The following ANGPT1 variants were observed in gnomAD, a reference collection of about 807,000 sequenced individuals.
ANGPT1 encodes the protein angiopoietin-1.
In ANGPT1, 17 loss-of-function variants were observed where a neutral mutation model predicts 62.2. The observed-to-expected ratio is 0.27, with a 90% CI of 0.19 to 0.41. The LOEUF (loss-of-function observed/expected upper bound fraction) is 0.41. ANGPT1 is among the 10% of genes least tolerant of loss of function. The pLI is 1.00. For missense variants in ANGPT1, 478 were observed against 594.9 expected (o/e 0.80, Z 2.04); for synonymous variants, 199 against 198.9 (o/e 1.00, Z 0.00).
intron 1 of ANGPT1, among the ~76,000 whole-genome samples, chr8:107,416,071 TC>T (rs1810733516): frequency 6.6e-6 from 1 of 152,096 alleles, no homozygotes; most frequent in African/African-American, 2.4e-5. Context: ...GAAAACATTT[TC>T]CCCCATATAC....
At chr8:107,299,971 AGTTATATCTAG>A in intron 5 of ANGPT1, among the ~76,000 whole-genome samples, 1 of 134,680 alleles carries the variant, frequency 7.4e-6, no homozygotes, top group East Asian at 2.1e-4. Context: ...ACTATATACT[AGTTATATCTAG>A]ATATCTAGAT....
intron 7 of ANGPT1, among the ~76,000 whole-genome samples, chr8:107,268,597 T>C (rs1813669431): frequency 6.6e-6 from 1 of 152,148 alleles, no homozygotes; most frequent in South Asian, 2.1e-4. Context: ...ATTCCTTACA[T>C]TTTATTGAAC....
intron 1 of ANGPT1, among the ~76,000 whole-genome samples, chr8:107,421,219 T>C (rs1810887255): frequency 6.6e-6 from 1 of 152,194 alleles, no homozygotes; most frequent in South Asian, 2.1e-4. Context: ...TGTATAACCT[T>C]CATTTTTCCA....
intron 2 of ANGPT1, 108 bp from the exon 3 acceptor site, chr8:107,336,379 T>G (rs556388808): frequency 1.7e-5 from 24 of 1,430,402 alleles, no homozygotes; most frequent in Admixed American, 2.9e-5. Flanking sequence ...TAACAAATGG[T>G]TTACCGCCGG....
chr8:107,295,835 T>C (rs950135469), intron 5 of ANGPT1, among the ~76,000 whole-genome samples: 2 of 152,166 alleles, frequency 1.3e-5, no homozygotes, highest in Admixed American at 6.6e-5. Context: ...GGAATTGCTA[T>C]TAACAATGAC....
At chr8:107,399,175 G>A (rs1179625534) in intron 1 of ANGPT1, among the ~76,000 whole-genome samples, 4 of 152,112 alleles carry the variant, frequency 2.6e-5, no homozygotes, top group Non-Finnish European at 5.9e-5. Flanking sequence ...TAGGCCTGAA[G>A]TCCTCACTTC....
chr8:107,271,904 TAAAA>T lies in ANGPT1; in HGVS notation c.1206-7557_1206-7554del, dbSNP rs35257524. Among the ~76,000 whole-genome samples the T allele has an allele frequency of 5.1e-3, 711 of 138,230 alleles. 5 individuals are homozygous for T. The highest frequency in any genetic ancestry group is 0.018 in the African/African-American group (670 of 37,960). 90.7% of individuals were successfully genotyped at this position (138,230 alleles called of 152,430 possible). On this transcript the variant is annotated intron_variant, in intron 7 of 8. Transcript: ENST00000517746. ...TTTCTTTACTCATAATTGATACTGG[TAAAA>T]AAAAAAAAAAAAAAAATTCCTGGAA... is the stretch of plus-strand genomic sequence containing the variant.
At chr8:107,462,458 A>G (rs1024347687) in intron 1 of ANGPT1, among the ~76,000 whole-genome samples, 5 of 151,918 alleles carry the variant, frequency 3.3e-5, no homozygotes, top group Non-Finnish European at 7.4e-5. Flanking sequence ...GAGTTTTTAG[A>G]GCAAACAAGC....
chr8:107,299,609 T>C (rs1814515303), intron 5 of ANGPT1, among the ~76,000 whole-genome samples: 2 of 140,120 alleles, frequency 1.4e-5, no homozygotes, highest in East Asian at 4.2e-4. Flanking sequence ...TATATAGGTA[T>C]ATTATATATC....
intron 1 of ANGPT1, among the ~76,000 whole-genome samples, chr8:107,450,311 C>T (rs1811735077): frequency 6.6e-6 from 1 of 152,022 alleles, no homozygotes; most frequent in Non-Finnish European, 1.5e-5. Flanking sequence ...TCTGCTAAAG[C>T]TCAAATTCTG....
chr8:107,394,686 T>C (rs1431254904), intron 1 of ANGPT1, among the ~76,000 whole-genome samples: 1 of 152,208 alleles, frequency 6.6e-6, no homozygotes, highest in Non-Finnish European at 1.5e-5. Flanking sequence ...CCACATATCC[T>C]GAAGTGCAGA....
At chr8:107,361,341 T>C (rs1363017145) in intron 1 of ANGPT1, among the ~76,000 whole-genome samples, 1 of 151,446 alleles carries the variant, frequency 6.6e-6, no homozygotes, top group Non-Finnish European at 1.5e-5. Context: ...AATAATTTTA[T>C]CTCAAAAATG....
At chr8:107,363,422 AT>A (rs1301804112) in intron 1 of ANGPT1, among the ~76,000 whole-genome samples, 1 of 152,170 alleles carries the variant, frequency 6.6e-6, no homozygotes, top group African/African-American at 2.4e-5. Context: ...CCACCATATT[AT>A]TGCTTTTTCC....
chr8:107,389,355 CA>C (rs1284922245), intron 1 of ANGPT1, among the ~76,000 whole-genome samples: 3 of 152,084 alleles, frequency 2.0e-5, no homozygotes, highest in Non-Finnish European at 2.9e-5. Context: ...GTCTGCCATG[CA>C]TAACATGTGG....
At chr8:107,269,078 CTT>C (rs1232245995) in intron 7 of ANGPT1, among the ~76,000 whole-genome samples, 1 of 151,988 alleles carries the variant, frequency 6.6e-6, no homozygotes, top group Admixed American at 6.6e-5. Context: ...ATTTTAAAAA[CTT>C]TGCACATGAG....
At chr8:107,395,049 A>G (rs1453576665) in intron 1 of ANGPT1, among the ~76,000 whole-genome samples, 2 of 152,214 alleles carry the variant, frequency 1.3e-5, no homozygotes, top group Non-Finnish European at 2.9e-5. Context: ...TATAGAAAAG[A>G]GCACTCTGCA....
At chr8:107,285,685 G>A (rs1190359418) in intron 6 of ANGPT1, among the ~76,000 whole-genome samples, 3 of 151,954 alleles carry the variant, frequency 2.0e-5, no homozygotes, top group Admixed American at 6.6e-5. Flanking sequence ...GAAAGCCAGC[G>A]CTTAATGTTG....
intron 7 of ANGPT1, among the ~76,000 whole-genome samples, chr8:107,266,085 T>C (rs187475000): frequency 6.6e-6 from 1 of 152,306 alleles, no homozygotes; most frequent in African/African-American, 2.4e-5. Context: ...CAAGCTTGTA[T>C]TTTAAAACTC....
At chr8:107,357,038 C>T (rs1816061463) in intron 1 of ANGPT1, among the ~76,000 whole-genome samples, 1 of 152,174 alleles carries the variant, frequency 6.6e-6, no homozygotes, top group African/African-American at 2.4e-5. Context: ...TCCCTATTCC[C>T]AACCTACATG....
Sources: allele counts gnomAD v4.1 joint callset (sites outside exome capture counted in the v4.1 genomes callset), GRCh38; gene constraint gnomAD v4.1.1; transcripts MANE v1.5; gene names NCBI Gene and HGNC (gene_info 2026-07-23, HGNC 2026-07-21).